Variants in SPATA17 observed in about 807,000 individuals in gnomAD.
SPATA17 encodes the protein spermatogenesis associated 17, also known as spermatogenesis-associated protein 17.
In SPATA17, 53 loss-of-function variants were observed where a neutral mutation model predicts 62.2. The ratio of observed to expected loss-of-function variants is 0.85; its 90% CI spans 0.68 to 1.07. The LOEUF (loss-of-function observed/expected upper bound fraction) is 1.07, where lower values mean the gene tolerates loss of function less well. Among genes scored for constraint, SPATA17 ranks in the 50% least tolerant of loss-of-function variants. SPATA17 has a pLI of 0.00. For synonymous variants in SPATA17, 146 were observed against 146.8 expected (o/e 0.99, Z 0.04); for missense variants, 466 against 425.5 (o/e 1.10, Z -0.84).
intron 1 of SPATA17, among the ~76,000 whole-genome samples, chr1:217,644,294 G>T (rs1034418531): frequency 6.6e-6 from 1 of 152,082 alleles, no homozygotes; most frequent in African/African-American, 2.4e-5. Flanking sequence ...TCTGTTATTA[G>T]GCACATGAGT....
chr1:217,736,855 T>G (rs533610919), intron 5 of SPATA17, among the ~76,000 whole-genome samples: 2 of 152,358 alleles, frequency 1.3e-5, no homozygotes, highest in African/African-American at 4.8e-5. Flanking sequence ...ACATTTGTGG[T>G]GGCAAATGCA....
At chr1:217,816,829 C>G (rs1312223325) in intron 9 of SPATA17, among the ~76,000 whole-genome samples, 1 of 151,904 alleles carries the variant, frequency 6.6e-6, no homozygotes, top group East Asian at 1.9e-4. Context: ...AATGTTGAAC[C>G]ATCCTTGTAT....
chr1:217,664,859 G>T (rs2102893814), intron 3 of SPATA17, among the ~76,000 whole-genome samples: 1 of 152,176 alleles, frequency 6.6e-6, no homozygotes, highest in South Asian at 2.1e-4. Flanking sequence ...CTCGTAGTAG[G>T]GAAGAAAAGG....
chr1:217,662,595 A>G (rs1250420223), intron 3 of SPATA17, among the ~76,000 whole-genome samples: 2 of 152,196 alleles, frequency 1.3e-5, no homozygotes, highest in Admixed American at 1.3e-4. Context: ...TAAAAGAGGA[A>G]CAATGAAAGT....
At chr1:217,634,503 G>A (rs2102872715) in intron 1 of SPATA17, among the ~76,000 whole-genome samples, 1 of 152,244 alleles carries the variant, frequency 6.6e-6, no homozygotes, top group African/African-American at 2.4e-5. Context: ...TCCATCAAGT[G>A]CAGCATCTGC....
At chr1:217,800,456 G>C (rs1674281184) in intron 8 of SPATA17, among the ~76,000 whole-genome samples, 1 of 152,080 alleles carries the variant, frequency 6.6e-6, no homozygotes, top group Non-Finnish European at 1.5e-5. Context: ...CCTCCCCTTA[G>C]CATTCCTCTG....
intron 6 of SPATA17, among the ~76,000 whole-genome samples, chr1:217,753,743 G>A (rs965212782): frequency 6.6e-6 from 1 of 151,622 alleles, no homozygotes; most frequent in Admixed American, 6.6e-5. Flanking sequence ...TTCAAATACA[G>A]TCTTAATAAA....
At chr1:217,683,632 G>A (rs1286901637) in intron 5 of SPATA17, among the ~76,000 whole-genome samples, 1 of 151,998 alleles carries the variant, frequency 6.6e-6, no homozygotes, top group Non-Finnish European at 1.5e-5. Context: ...AGTAGAGACG[G>A]GGTTTCACCA....
At chr1:217,655,005 C>T (rs145347166) in intron 3 of SPATA17, among the ~76,000 whole-genome samples, 18 of 152,272 alleles carry the variant, frequency 1.2e-4, no homozygotes, top group Non-Finnish European at 2.2e-4. Context: ...CCACCGCACC[C>T]AGCCCTACAT....
At chr1:217,635,281 G>A (rs1669910364) in intron 1 of SPATA17, among the ~76,000 whole-genome samples, 1 of 152,186 alleles carries the variant, frequency 6.6e-6, no homozygotes, top group Non-Finnish European at 1.5e-5. Context: ...CTGATGTCAT[G>A]TGCCCAAGGC....
intron 9 of SPATA17, among the ~76,000 whole-genome samples, chr1:217,803,913 G>T (rs1476274732): frequency 6.6e-6 from 1 of 152,114 alleles, no homozygotes; most frequent in Non-Finnish European, 1.5e-5. Flanking sequence ...AGCTACTTGG[G>T]AGGCTGAGGC....
intron 8 of SPATA17, among the ~76,000 whole-genome samples, chr1:217,789,507 C>T (rs1673948808): frequency 2.0e-5 from 3 of 152,282 alleles, no homozygotes; most frequent in South Asian, 4.1e-4. Context: ...TTCAAGGAAG[C>T]TCATGCTTAA....
At chr1:217,684,510 G>GT (rs1179328953) in intron 5 of SPATA17, among the ~76,000 whole-genome samples, 2 of 152,206 alleles carry the variant, frequency 1.3e-5, no homozygotes, top group Non-Finnish European at 2.9e-5. Context: ...TGCTTCTGGG[G>GT]TTCAAGTGAT....
intron 5 of SPATA17, among the ~76,000 whole-genome samples, chr1:217,713,653 A>G (rs1671930346): frequency 6.6e-6 from 1 of 152,198 alleles, no homozygotes; most frequent in East Asian, 1.9e-4. Flanking sequence ...CAGAAAGCAC[A>G]TCTTTGATCC....
At chr1:217,856,170 C>T (rs1465041913) in intron 9 of SPATA17, among the ~76,000 whole-genome samples, 1 of 151,970 alleles carries the variant, frequency 6.6e-6, no homozygotes, top group Non-Finnish European at 1.5e-5. Context: ...TATAAATGAC[C>T]TTTGATTAGC....
chr1:217,729,403 C>G (rs1021604176), intron 5 of SPATA17, among the ~76,000 whole-genome samples: 1 of 152,068 alleles, frequency 6.6e-6, no homozygotes, highest in African/African-American at 2.4e-5. Context: ...TTTCAGTAAA[C>G]CTCATTTTAA....
At chr1:217,729,712 C>CAA (rs1247820577) in intron 5 of SPATA17, among the ~76,000 whole-genome samples, 1 of 152,116 alleles carries the variant, frequency 6.6e-6, no homozygotes, top group Non-Finnish European at 1.5e-5. Flanking sequence ...GCCTTAAAAA[C>CAA]AGTCTGCCAT....
At chr1:217,850,664 C>T (rs958131573) in intron 9 of SPATA17, 12 of 1,533,178 alleles carry the variant, frequency 7.8e-6, no homozygotes, top group Middle Eastern at 1.7e-4. Context: ...GAGGATGCTG[C>T]GAATCGCCAG....
chr1:217,730,401 G>A (rs12401288), intron 5 of SPATA17, among the ~76,000 whole-genome samples: 1 of 151,956 alleles, frequency 6.6e-6, no homozygotes, highest in Admixed American at 6.6e-5. Context: ...ATTTTTAGTA[G>A]AGACAGGGTT....
Sources: gnomAD v4.1 joint callset for allele counts (sites outside exome capture counted in the v4.1 genomes callset) on GRCh38, gnomAD v4.1.1 for gene constraint, MANE v1.5 for transcripts, NCBI Gene and HGNC (gene_info 2026-07-23, HGNC 2026-07-21) for gene names.